IQSEC1: variants seen among roughly 807,000 people sequenced by gnomAD.
IQSEC1 encodes IQ motif and SEC7 domain-containing protein 1.
In IQSEC1, 31 loss-of-function variants were observed where a neutral mutation model predicts 91.0. That is an observed-to-expected ratio of 0.34 (90% CI 0.26 to 0.46). The LOEUF is 0.46. Among genes scored for constraint, IQSEC1 ranks in the 20% least tolerant of loss-of-function variants. The probability of loss-of-function intolerance (pLI) is 1.00; values close to 1 mark genes in which losing one functional copy is unlikely to be tolerated. For missense variants in IQSEC1, 1,388 were observed against 1,575.6 expected (o/e 0.88, Z 2.02); for synonymous variants, 699 against 662.6 (o/e 1.05, Z -0.84).
chr3:12,963,041 T>C (rs1387376435), intron 1 of IQSEC1, among the ~76,000 whole-genome samples: 2 of 152,280 alleles, frequency 1.3e-5, no homozygotes, highest in Non-Finnish European at 2.9e-5. Context: ...ACACAGACCC[T>C]GAAGCCAGGC....
At chr3:13,151,897 C>T (rs1316654670) in intron 2 of IQSEC1, among the ~76,000 whole-genome samples, 7 of 152,006 alleles carry the variant, frequency 4.6e-5, no homozygotes, top group South Asian at 2.1e-4. Flanking sequence ...ACCCAGAAAG[C>T]GGAGGTTGCA....
chr3:12,981,493 T>A (rs924168170), intron 1 of IQSEC1, among the ~76,000 whole-genome samples: 7 of 152,158 alleles, frequency 4.6e-5, no homozygotes, highest in Non-Finnish European at 2.9e-5. Context: ...CTAGTGTTGT[T>A]TCGTCACAAT....
chr3:13,127,320 A>G (rs909553235), intron 2 of IQSEC1, among the ~76,000 whole-genome samples: 1 of 152,144 alleles, frequency 6.6e-6, no homozygotes, highest in Non-Finnish European at 1.5e-5. Context: ...AGGCTGAGGC[A>G]GGAGAATCGC....
At chr3:12,913,676 A>C (rs41293395) in intron 8 of IQSEC1, 123 bp from the exon 9 acceptor site, 1 of 914,570 alleles carries the variant, frequency 1.1e-6, no homozygotes, top group Non-Finnish European at 1.6e-6. Flanking sequence ...GAGTTAAAAA[A>C]TGCCTTCCCT....
At chr3:13,129,193 G>A (rs976193979) in intron 2 of IQSEC1, among the ~76,000 whole-genome samples, 1 of 152,120 alleles carries the variant, frequency 6.6e-6, no homozygotes, top group African/African-American at 2.4e-5. Flanking sequence ...TTACTATTGA[G>A]ATTTGTTAGT....
intron 6 of IQSEC1, among the ~76,000 whole-genome samples, chr3:12,917,175 T>C (rs529069473): frequency 1.3e-5 from 2 of 152,296 alleles, no homozygotes; most frequent in East Asian, 1.9e-4. Context: ...CCGACACTCA[T>C]AGCCTTCCAC....
At chr3:13,175,092 C>T (rs929340765) in intron 1 of IQSEC1, among the ~76,000 whole-genome samples, 5 of 152,124 alleles carry the variant, frequency 3.3e-5, no homozygotes, top group Non-Finnish European at 5.9e-5. Context: ...ACTACCCTTC[C>T]CTCTCTCACC....
In IQSEC1 at chr3:12,898,491, G is replaced by A. The variant is rs1271649906; in HGVS notation, c.*2492C>T. 1 of 152,258 alleles carries A rather than the reference G, an allele frequency of 6.6e-6. No individual in the cohort carries two copies. The highest frequency in any genetic ancestry group is 2.4e-5 in the African/African-American group (1 of 41,458). 9.4% of individuals were successfully genotyped at this position (152,258 alleles called of 1,614,324 possible). On this transcript the variant is annotated 3_prime_UTR_variant, in exon 14 of 14. Coordinates refer to ENST00000613206, the MANE Select transcript of IQSEC1 (RefSeq NM_001134382.3). Reference sequence around the variant, plus strand: ...AGGACACACCGAGGACAGTGCCACAGGCTGGCAGCCCGAGGCTGTGGAGCT... The same window carrying A: ...AGGACACACCGAGGACAGTGCCACAAGCTGGCAGCCCGAGGCTGTGGAGCT...
Position 12,911,669 on chromosome 3 carries a change from G to T in IQSEC1, c.2376C>A (p.Phe792Leu), listed in dbSNP as rs750917638. 1 of 1,614,010 alleles carries T rather than the reference G, an allele frequency of 6.2e-7. No individual in the cohort carries two copies. The highest frequency in any genetic ancestry group is 8.5e-7 in the Non-Finnish European group (1 of 1,180,006). ...NSVTYSFRQS[F>L]SLYGMQVLLF... ...GCAGGACCTGCATGCCGTACAAGGA[G>T]AAGGACTGTCGGAAGCTGTACGTCA... Residue 792 changes from phenylalanine (F) to leucine (L), a missense_variant, in exon 10 of 14, where the codon TTC (phenylalanine) becomes TTA (leucine). By Grantham distance (22) the Phe-to-Leu change is conservative. This residue lies in a region of IQSEC1 where 1,059 missense variants were observed against 1,317.8 expected (regional missense o/e 0.80). Transcript: ENST00000613206.
At chr3:13,181,075 T>C (rs1693834387) in intron 1 of IQSEC1, among the ~76,000 whole-genome samples, 1 of 152,114 alleles carries the variant, frequency 6.6e-6, no homozygotes, top group Non-Finnish European at 1.5e-5. Context: ...ATTCAGACCA[T>C]CGTGGCTAAC....
chr3:12,969,384 C>A (rs183053908), intron 1 of IQSEC1, among the ~76,000 whole-genome samples: 2 of 152,260 alleles, frequency 1.3e-5, no homozygotes, highest in Admixed American at 1.3e-4. Context: ...AATACCACCT[C>A]ACACTCACAA....
chr3:13,048,468 C>A (rs930639022), intron 1 of IQSEC1, among the ~76,000 whole-genome samples: 1 of 152,222 alleles, frequency 6.6e-6, no homozygotes, highest in African/African-American at 2.4e-5. Flanking sequence ...CCCACACCCC[C>A]CATCGCTGCC....
At chr3:13,022,134 G>GCCCACCACCACTGC in intron 1 of IQSEC1, 1 of 1,231,882 alleles carries the variant, frequency 8.1e-7, no homozygotes, top group East Asian at 3.2e-5. Flanking sequence ...TGGCCAAGGG[G>GCCCACCACCACTGC]CCCACCACCA....
chr3:13,059,865 C>A (rs1396787183), intron 1 of IQSEC1, among the ~76,000 whole-genome samples: 1 of 152,222 alleles, frequency 6.6e-6, no homozygotes, highest in Admixed American at 6.5e-5. Flanking sequence ...GACTTTGGAG[C>A]AGCGGTGAAC....
Position 13,282,578 on chromosome 3 carries a change from G to A in IQSEC1, c.272+133C>T, listed in dbSNP as rs1336056110. Among the ~76,000 whole-genome samples the A allele has an allele frequency of 6.6e-6, 1 of 151,710 alleles. No homozygotes were observed. The highest frequency in any genetic ancestry group is 2.1e-4 in the South Asian group (1 of 4,826). Reference sequence around the variant, plus strand: ...AGGGAGCCCCTGGGGGTCTGGCGGCGGGTGTGGGCGCTCCCGGGCCGGCCA... The same window carrying A: ...AGGGAGCCCCTGGGGGTCTGGCGGCAGGTGTGGGCGCTCCCGGGCCGGCCA... On this transcript the variant is annotated intron_variant, in intron 1 of 15. Transcript: ENST00000648114. This position sits in a 1 kb window ranked among gnomAD's most constrained non-coding sequence, Gnocchi z 6.4.
At chr3:13,237,206 T>A (rs561224354) in intron 1 of IQSEC1, among the ~76,000 whole-genome samples, 8 of 152,330 alleles carry the variant, frequency 5.3e-5, no homozygotes, top group African/African-American at 1.9e-4. Flanking sequence ...CTGAAAACCG[T>A]GGCCATGGAA....
At chr3:12,938,601 A>AT (rs1239744577) in intron 2 of IQSEC1, among the ~76,000 whole-genome samples, 2 of 152,128 alleles carry the variant, frequency 1.3e-5, no homozygotes, top group Admixed American at 6.5e-5. Context: ...GAAAGTTTCT[A>AT]TTTTTTGGGT....
chr3:13,249,320 C>T (rs895992271), intron 1 of IQSEC1, among the ~76,000 whole-genome samples: 1 of 151,822 alleles, frequency 6.6e-6, no homozygotes, highest in Admixed American at 6.6e-5. Context: ...TACAGGCACC[C>T]GCCAGCACGC....
chr3:13,130,691 C>A (rs1263972477), intron 2 of IQSEC1, among the ~76,000 whole-genome samples: 2 of 151,998 alleles, frequency 1.3e-5, no homozygotes, highest in East Asian at 3.9e-4. Context: ...AATCCCAACA[C>A]TTTGGGAGGC....
Sources: allele counts gnomAD v4.1 joint callset (sites outside exome capture counted in the v4.1 genomes callset), GRCh38; gene constraint gnomAD v4.1.1; regional missense constraint gnomAD v4.1.1; non-coding constraint Gnocchi (gnomAD v3.1); transcripts MANE v1.5; gene names NCBI Gene and HGNC (gene_info 2026-07-23, HGNC 2026-07-21).